SLC39A10: variants seen among roughly 807,000 people sequenced by gnomAD.
The protein encoded by SLC39A10 is zinc transporter ZIP10.
A neutral mutation model predicts 65.1 loss-of-function variants in SLC39A10; 13 were observed. That is an observed-to-expected ratio of 0.20 (90% confidence interval 0.13 to 0.32). The LOEUF (loss-of-function observed/expected upper bound fraction) is 0.32. SLC39A10 is among the 10% of genes least tolerant of loss of function. The pLI is 1.00. For synonymous variants in SLC39A10, 321 were observed against 342.2 expected (o/e 0.94, Z 0.68); for missense variants, 831 against 1,018.4 (o/e 0.82, Z 2.50).
intron 6 of SLC39A10, among the ~76,000 whole-genome samples, 194 bp downstream of exon 6, chr2:195,713,747 G>C (rs1472717125): frequency 2.6e-5 from 4 of 152,054 alleles, no homozygotes; most frequent in Non-Finnish European, 5.9e-5. Context: ...TTTACTGATA[G>C]ATGCAAAGCC....
chr2:195,665,847 C>G (rs974554382), intron 1 of SLC39A10, among the ~76,000 whole-genome samples: 3 of 152,116 alleles, frequency 2.0e-5, no homozygotes, highest in African/African-American at 7.2e-5. Flanking sequence ...GATTTTAGTG[C>G]TCTTTCACTT....
chr2:195,674,711 T>C (rs1224686767), intron 1 of SLC39A10: 2 of 929,788 alleles, frequency 2.2e-6, no homozygotes, highest in Non-Finnish European at 2.6e-6. Context: ...TTAGGTGATT[T>C]TGTCATTGTG....
At chr2:195,673,184 TATTA>T in intron 1 of SLC39A10, among the ~76,000 whole-genome samples, 1 of 152,346 alleles carries the variant, frequency 6.6e-6, no homozygotes, top group South Asian at 2.1e-4. Context: ...AACTATTATT[TATTA>T]ATTTATTTTG....
At chr2:195,632,454 C>A (rs1688606553) in intron 2 of SLC39A10, among the ~76,000 whole-genome samples, 1 of 151,792 alleles carries the variant, frequency 6.6e-6, no homozygotes, top group African/African-American at 2.4e-5. Context: ...CGCTTGCCAC[C>A]ACGCCTGGTT....
intron 3 of SLC39A10, among the ~76,000 whole-genome samples, chr2:195,695,858 A>G (rs1004829603): frequency 2.0e-5 from 3 of 152,090 alleles, no homozygotes; most frequent in Non-Finnish European, 4.4e-5. Context: ...ATTATTCTCA[A>G]ATCTAATGTT....
intron 1 of SLC39A10, among the ~76,000 whole-genome samples, chr2:195,666,729 TG>T (rs890897865): frequency 6.6e-6 from 1 of 152,072 alleles, no homozygotes; most frequent in African/African-American, 2.4e-5. Flanking sequence ...CCCAAAGTGC[TG>T]GGATTACAGG....
At chr2:195,712,719 AGAAAAATTTAAACC>A (rs1294085000) in intron 5 of SLC39A10, among the ~76,000 whole-genome samples, 1 of 152,238 alleles carries the variant, frequency 6.6e-6, no homozygotes, top group Non-Finnish European at 1.5e-5. Context: ...ACATACAGTA[AGAAAAATTTAAACC>A]TAAACAATGA....
At chr2:195,710,757 A>C (rs941423892) in intron 5 of SLC39A10, among the ~76,000 whole-genome samples, 4 of 152,246 alleles carry the variant, frequency 2.6e-5, no homozygotes, top group African/African-American at 7.2e-5. Context: ...AAGAAGAATG[A>C]TAAAAGGAAC....
chr2:195,719,112 A>C (rs1223499521), intron 8 of SLC39A10, among the ~76,000 whole-genome samples: 1 of 151,684 alleles, frequency 6.6e-6, no homozygotes, highest in Non-Finnish European at 1.5e-5. Context: ...TATAGTAATC[A>C]TATATATTAT....
chr2:195,658,695 G>A (rs1360132094), intron 1 of SLC39A10: 3 of 152,108 alleles, frequency 2.0e-5, no homozygotes, highest in African/African-American at 4.8e-5. Flanking sequence ...GGACTCTATT[G>A]TACAAATATT....
intron 2 of SLC39A10, among the ~76,000 whole-genome samples, chr2:195,618,413 A>C (rs1258124280): frequency 6.6e-6 from 1 of 152,100 alleles, no homozygotes; most frequent in Non-Finnish European, 1.5e-5. Context: ...GGAAAGCAAG[A>C]TTCAAATCCA....
At chr2:195,645,443 C>T (rs148931477) in intron 2 of SLC39A10, among the ~76,000 whole-genome samples, 6 of 152,248 alleles carry the variant, frequency 3.9e-5, no homozygotes, top group African/African-American at 1.2e-4. Flanking sequence ...AAATCATTTA[C>T]GTACTATAAT....
At chr2:195,695,388 T>C (rs1269835579) in intron 3 of SLC39A10, among the ~76,000 whole-genome samples, 1 of 152,126 alleles carries the variant, frequency 6.6e-6, no homozygotes, top group Non-Finnish European at 1.5e-5. Context: ...GGGGGAAAAC[T>C]GGCAGTCACA....
intron 8 of SLC39A10, among the ~76,000 whole-genome samples, chr2:195,719,347 T>A (rs1177925566): frequency 1.3e-5 from 2 of 152,208 alleles, no homozygotes; most frequent in Non-Finnish European, 2.9e-5. Flanking sequence ...TAATCTGTTG[T>A]TTCTGCCCAG....
intron 9 of SLC39A10, among the ~76,000 whole-genome samples, chr2:195,733,718 C>T (rs529094118): frequency 2.6e-5 from 4 of 151,880 alleles, no homozygotes; most frequent in African/African-American, 4.8e-5. Flanking sequence ...TTAATAGAGA[C>T]GGAGTTACTC....
intron 3 of SLC39A10, among the ~76,000 whole-genome samples, chr2:195,701,676 G>T (rs10211020): frequency 6.8e-4 from 102 of 150,578 alleles, no homozygotes; most frequent in African/African-American, 2.4e-3. Context: ...ATTTTCACAG[G>T]TTTTTTTTGT....
intron 2 of SLC39A10, among the ~76,000 whole-genome samples, chr2:195,617,406 G>C (rs1349721217): frequency 3.9e-5 from 6 of 151,900 alleles, no homozygotes; most frequent in Admixed American, 2.0e-4. Flanking sequence ...ACTAAAAACA[G>C]AAAAAATTAG....
In SLC39A10 at chr2:195,636,634, T is replaced by C. The variant is rs370141102; in HGVS notation, c.-12+30401T>C. Among the ~76,000 whole-genome samples the C allele has an allele frequency of 3.5e-4, 53 of 152,188 alleles. No homozygotes were observed. The East Asian group carries it at 9.9e-3, about 28-fold the overall frequency. ...TGGGCGTGGTGGCGGGTGCCTGTAG[T>C]CCCAGCTACTCAGGAGGCTGAGGCA... On this transcript the variant is annotated intron_variant, in intron 2 of 2. Coordinates refer to the SLC39A10 transcript ENST00000458054.
intron 8 of SLC39A10, among the ~76,000 whole-genome samples, chr2:195,725,532 A>G (rs747802024): frequency 8.5e-5 from 13 of 152,276 alleles, no homozygotes; most frequent in South Asian, 2.1e-4. Context: ...GCTCCTATAC[A>G]TTGCTGGTGG....
Sources: allele counts gnomAD v4.1 joint callset (sites outside exome capture counted in the v4.1 genomes callset), GRCh38; gene constraint gnomAD v4.1.1; transcripts MANE v1.5; gene names NCBI Gene and HGNC (gene_info 2026-07-23, HGNC 2026-07-21).